The following MED1 variants were observed in gnomAD, a reference collection of about 807,000 sequenced individuals.
The protein encoded by MED1 is mediator of RNA polymerase II transcription subunit 1.
A neutral mutation model predicts 121.3 loss-of-function variants in MED1; 17 were observed. The ratio of observed to expected loss-of-function variants is 0.14; its 90% CI spans 0.10 to 0.21. MED1 has a LOEUF of 0.21. MED1 is among the 10% of genes least tolerant of loss of function. MED1 has a pLI of 1.00. For synonymous variants in MED1, 661 were observed against 694.4 expected (o/e 0.95, Z 0.76); for missense variants, 1,558 against 1,919.4 (o/e 0.81, Z 3.52).
intron 14 of MED1, among the ~76,000 whole-genome samples, chr17:39,419,239 C>T (rs1249109721): frequency 6.6e-6 from 1 of 151,908 alleles, no homozygotes; most frequent in Admixed American, 6.6e-5. Flanking sequence ...CGCACACCAC[C>T]ACAACTGGCT....
intron 6 of MED1, among the ~76,000 whole-genome samples, chr17:39,435,019 T>A (rs1470962617): frequency 6.6e-6 from 1 of 151,682 alleles, no homozygotes; most frequent in African/African-American, 2.4e-5. Context: ...CAAAAAAAAA[T>A]TAGCCGAGTG....
intron 13 of MED1, among the ~76,000 whole-genome samples, chr17:39,422,105 G>A (rs2048470312): frequency 6.8e-6 from 1 of 147,460 alleles, no homozygotes; most frequent in Non-Finnish European, 1.5e-5. Flanking sequence ...TCCAGCCTGG[G>A]CGACACAGCA....
Position 39,407,554 on chromosome 17 carries a change from C to T in MED1, c.4667G>A (p.Arg1556Lys). 1 of 1,614,096 alleles carries T rather than the reference C, an allele frequency of 6.2e-7. No individual in the cohort carries two copies. Among genetic ancestry groups the T allele is most frequent in the Non-Finnish European group, 8.5e-7 (1 of 1,180,026 alleles). ...AAAGTCTGGGCTGAGCCTTGAGGGTCTGTCTGCAGATAAGATTGTGTTACT... is the reference window on the plus strand; with the variant it reads ...AAAGTCTGGGCTGAGCCTTGAGGGTTTGTCTGCAGATAAGATTGTGTTACT... ...MTSNTILSAD[R>K]PSRLSPDFMI... Residue 1556 changes from arginine (R) to lysine (K), a missense_variant, in exon 17 of 17, where the codon AGA becomes AAA. Transcript: ENST00000300651.
rs773879105 is a variant in MED1, at chr17:39,409,816, G to A, written c.2405C>T (p.Ala802Val). 1 of 1,614,174 alleles carries A rather than the reference G, an allele frequency of 6.2e-7. No homozygotes were observed. Among genetic ancestry groups the A allele is most frequent in the South Asian group, 1.1e-5 (1 of 91,076 alleles). Residue 802 changes from alanine (A) to valine (V), a missense_variant, in exon 17 of 17, where the codon GCC becomes GTC. Around this residue, in one of 5 missense-constraint regions of MED1, gnomAD observed 793 missense variants for 898.2 expected, o/e 0.88. Transcript: ENST00000300651. Reference protein sequence around the residue: ...KLPSTSDDCPAIGTPLRDSSS... With the variant: ...KLPSTSDDCPVIGTPLRDSSS... ...AGAATCTCGAAGAGGGGTGCCAATG[G>A]CTGGGCAATCATCACTAGTGCTGGG...
chr17:39,415,352 GAGAA>G lies in MED1; in HGVS notation c.1298-17_1298-14del. On this transcript the variant is annotated splice_polypyrimidine_tract_variant and intron_variant, in intron 14 of 16. Coordinates refer to ENST00000300651, the MANE Select transcript of MED1 (RefSeq NM_004774.4). ...AGCCCAGGAGAATCTAAAAGGCAAA[GAGAA>G]AGATCATAAAACAACCAAATATAAG... The G allele has an allele frequency of 6.3e-7, 1 of 1,596,898 alleles. No homozygotes were observed. Among genetic ancestry groups the G allele is most frequent in the Non-Finnish European group, 8.6e-7 (1 of 1,165,924 alleles).
intron 1 of MED1, among the ~76,000 whole-genome samples, chr17:39,450,677 C>T (rs2048774269): frequency 6.6e-6 from 1 of 152,158 alleles, no homozygotes; most frequent in Non-Finnish European, 1.5e-5. Context: ...CTAATCATTT[C>T]ATTGATGCCA....
chr17:39,425,757 G>A (rs990410522), intron 10 of MED1, among the ~76,000 whole-genome samples: 11 of 151,046 alleles, frequency 7.3e-5, no homozygotes, highest in South Asian at 2.1e-4. Flanking sequence ...AGCCGAAATC[G>A]CACCACTGCA....
At chr17:39,428,040 G>C (rs1335200483) in intron 9 of MED1, among the ~76,000 whole-genome samples, 1 of 151,932 alleles carries the variant, frequency 6.6e-6, no homozygotes, top group Non-Finnish European at 1.5e-5. Context: ...AACACAGTCA[G>C]ACTCCACCTC....
rs2048319462 is a variant in MED1, at chr17:39,408,017, G to A, written c.4204C>T (p.Pro1402Ser). Residue 1402 changes from proline (P) to serine (S), a missense_variant, in exon 17 of 17, where the codon CCT (proline) becomes TCT (serine). Physicochemically the swap from Pro to Ser is moderately conservative, Grantham distance 74. Coordinates refer to ENST00000300651, the MANE Select transcript of MED1 (RefSeq NM_004774.4). The surrounding 1 kb of genome is among the most constrained non-coding windows in gnomAD (Gnocchi z 4.7). ...AAAGTCACTTTGGCTTTAATGCTAG[G>A]GGAGCCTCCATCATGCTTACTGATG... ...IIISKHDGGS[P>S]SIKAKVTLQK... The A allele has an allele frequency of 1.9e-6, 3 of 1,614,044 alleles. No individual in the cohort carries two copies. The highest frequency in any genetic ancestry group is 2.2e-5 in the South Asian group (2 of 91,088).
At chr17:39,428,126 A>T (rs1027147157) in intron 9 of MED1, among the ~76,000 whole-genome samples, 4 of 151,988 alleles carry the variant, frequency 2.6e-5, no homozygotes, top group Non-Finnish European at 4.4e-5. Flanking sequence ...AAGATGGTGA[A>T]TCACCTGAGG....
At chr17:39,422,752 GGT>G (rs1236984082) in intron 13 of MED1, among the ~76,000 whole-genome samples, 2 of 151,770 alleles carry the variant, frequency 1.3e-5, no homozygotes, top group African/African-American at 4.8e-5. Flanking sequence ...TGGGATTACA[GGT>G]GTGAGCCACT....
chr17:39,450,284 T>C (rs943632541), intron 1 of MED1, among the ~76,000 whole-genome samples: 2 of 152,170 alleles, frequency 1.3e-5, no homozygotes, highest in Admixed American at 6.6e-5. Context: ...ACACACTCTT[T>C]GTTTTTCTTG....
At chr17:39,426,829 CG>C (rs764309088) in intron 10 of MED1, among the ~76,000 whole-genome samples, 31 of 152,068 alleles carry the variant, frequency 2.0e-4, no homozygotes, top group Admixed American at 3.3e-4. Flanking sequence ...CCACCGCGCC[CG>C]GCAGTCTATC....
Position 39,409,858 on chromosome 17 carries a change from T to A in MED1, c.2363A>T (p.Glu788Val). Reference sequence around the variant, plus strand: ...AGTGCTGGGAAGTTTAGAAGCTTCTTCTGCAATGTCTGAAAGGATGTCAGT... The same window carrying A: ...AGTGCTGGGAAGTTTAGAAGCTTCTACTGCAATGTCTGAAAGGATGTCAGT... The part of the protein sequence containing the change: ...DVTDILSDIA[E>V]EASKLPSTSD... Residue 788 changes from glutamate (E) to valine (V), a missense_variant, in exon 17 of 17, where the codon GAA becomes GTA. Glu to Val is a moderately radical substitution (Grantham distance 121). Around this residue, in one of 5 missense-constraint regions of MED1, gnomAD observed 793 missense variants for 898.2 expected, o/e 0.88. Transcript: ENST00000300651. 1 of 1,614,170 alleles carries A rather than the reference T, an allele frequency of 6.2e-7. No individual in the cohort carries two copies. The highest frequency in any genetic ancestry group is 2.2e-5 in the East Asian group (1 of 44,876).
At chr17:39,441,097 T>C (rs1440176971) in intron 3 of MED1, among the ~76,000 whole-genome samples, 1 of 152,010 alleles carries the variant, frequency 6.6e-6, no homozygotes, top group African/African-American at 2.4e-5. Context: ...ATAAATGAAA[T>C]GTATATACAT....
chr17:39,428,582 C>T (rs553576720), intron 9 of MED1, among the ~76,000 whole-genome samples: 12 of 151,820 alleles, frequency 7.9e-5, no homozygotes, highest in African/African-American at 2.7e-4. Context: ...TACAATGAGC[C>T]GTGATTGTGC....
At chr17:39,441,841 G>A (rs969152122) in intron 3 of MED1, among the ~76,000 whole-genome samples, 2 of 152,046 alleles carry the variant, frequency 1.3e-5, no homozygotes, top group Admixed American at 6.6e-5. Context: ...AGTGGCTCAC[G>A]CCTGTAATCC....
intron 14 of MED1, among the ~76,000 whole-genome samples, chr17:39,418,090 A>AAAAAG (rs1322357231): frequency 2.7e-5 from 4 of 150,784 alleles, no homozygotes; most frequent in Non-Finnish European, 3.0e-5. Context: ...CGTCTCAAAA[A>AAAAAG]AAAAAAAAAA....
intron 9 of MED1, among the ~76,000 whole-genome samples, chr17:39,429,355 A>C (rs1260319181): frequency 6.6e-6 from 1 of 152,052 alleles, no homozygotes; most frequent in Admixed American, 6.6e-5. Flanking sequence ...CTGTCTCAAA[A>C]AGATAACAAA....
Sources: allele counts gnomAD v4.1 joint callset (sites outside exome capture counted in the v4.1 genomes callset), GRCh38; gene constraint gnomAD v4.1.1; regional missense constraint gnomAD v4.1.1; non-coding constraint Gnocchi (gnomAD v3.1); transcripts MANE v1.5; gene names NCBI Gene and HGNC (gene_info 2026-07-23, HGNC 2026-07-21).